The following KCNAB1 variants were observed in gnomAD, a reference collection of about 807,000 sequenced individuals.
KCNAB1 encodes the protein voltage-gated potassium channel subunit beta-1.
A neutral mutation model predicts 64.6 loss-of-function variants in KCNAB1; 35 were observed. The ratio of observed to expected loss-of-function variants is 0.54; its 90% CI spans 0.41 to 0.72. KCNAB1 has a LOEUF of 0.72. KCNAB1 is among the 30% of genes least tolerant of loss of function. The pLI, the probability that KCNAB1 is intolerant of heterozygous loss-of-function variation, is 0.00. For missense variants in KCNAB1, 401 were observed against 512.9 expected (o/e 0.78, Z 2.11); for synonymous variants, 177 against 183.8 (o/e 0.96, Z 0.30).
intron 1 of KCNAB1, among the ~76,000 whole-genome samples, chr3:156,325,454 A>C (rs1431315895): frequency 1.3e-5 from 2 of 152,166 alleles, no homozygotes; most frequent in African/African-American, 4.8e-5. Context: ...TAGGAAGAGG[A>C]AGTGGATACT....
rs1719214995 is a variant in KCNAB1, at chr3:156,538,418, C to A, written c.*1671C>A. On this transcript the variant is annotated 3_prime_UTR_variant, in exon 14 of 14. Coordinates refer to ENST00000490337, the MANE Select transcript of KCNAB1 (RefSeq NM_172160.3). Reference sequence around the variant, plus strand: ...TTGATTACTAGTACCTGTATTCTAACAGAGAGTTTGAATTTTTTGCCCGTG... The same window carrying A: ...TTGATTACTAGTACCTGTATTCTAAAAGAGAGTTTGAATTTTTTGCCCGTG... The A allele has an allele frequency of 6.6e-6, 1 of 152,114 alleles. No individual in the cohort carries two copies. The highest frequency in any genetic ancestry group is 1.5e-5 in the Non-Finnish European group (1 of 68,022). 9.4% of individuals were successfully genotyped at this position (152,114 alleles called of 1,614,324 possible). A position where few individuals can be genotyped will look rare whatever the true frequency, so the allele number is the denominator to read the frequency against.
chr3:156,432,058 A>C (rs1358383951), intron 2 of KCNAB1, among the ~76,000 whole-genome samples: 1 of 152,208 alleles, frequency 6.6e-6, no homozygotes, highest in East Asian at 1.9e-4. Flanking sequence ...AAAATTAAAG[A>C]ACTCTTAGCT....
At chr3:156,345,117 G>A (rs1485613545) in intron 1 of KCNAB1, among the ~76,000 whole-genome samples, 3 of 152,178 alleles carry the variant, frequency 2.0e-5, no homozygotes, top group Non-Finnish European at 4.4e-5. Context: ...AAGAGGCTTC[G>A]TAATTTCCCT....
intron 8 of KCNAB1, among the ~76,000 whole-genome samples, chr3:156,481,044 T>A (rs1243705316): frequency 6.6e-6 from 1 of 152,142 alleles, no homozygotes; most frequent in Non-Finnish European, 1.5e-5. Flanking sequence ...GTTCAACATA[T>A]TTCAAGGAGA....
rs77341673 is a variant in KCNAB1 at position 156,409,835 on chromosome 3, C to T, written c.276-11781C>T. ...TAATAAAAAGATCAAAGTAGAGGTT[C>T]GAGAATAAAGATAAACTAAAACCAG... On this transcript the variant is annotated intron_variant, in intron 1 of 13. Coordinates refer to ENST00000490337, the MANE Select transcript of KCNAB1 (RefSeq NM_172160.3). Among the ~76,000 whole-genome samples the T allele has an allele frequency of 3.9e-5, 6 of 152,072 alleles. No homozygotes were observed. In the East Asian group the frequency reaches 1.2e-3, roughly 29 times the overall value.
intron 1 of KCNAB1, among the ~76,000 whole-genome samples, chr3:156,300,820 T>C (rs923530593): frequency 6.6e-6 from 1 of 152,162 alleles, no homozygotes; most frequent in East Asian, 1.9e-4. Flanking sequence ...AAGGCCAAAT[T>C]TGATGTATAG....
chr3:156,354,061 G>C (rs1725043576), intron 1 of KCNAB1, among the ~76,000 whole-genome samples: 1 of 147,756 alleles, frequency 6.8e-6, no homozygotes, highest in Non-Finnish European at 1.5e-5. Context: ...GTGTGTGTGT[G>C]TGTGTGTGTG....
At chr3:156,284,942 G>A (rs960113642) in intron 1 of KCNAB1, among the ~76,000 whole-genome samples, 1 of 152,184 alleles carries the variant, frequency 6.6e-6, no homozygotes, top group Non-Finnish European at 1.5e-5. Flanking sequence ...CTCTTGCTGG[G>A]AGCTGTAGAC....
intron 1 of KCNAB1, among the ~76,000 whole-genome samples, chr3:156,381,557 C>G (rs566838628): frequency 5.9e-5 from 9 of 152,334 alleles, no homozygotes; most frequent in African/African-American, 2.2e-4. Context: ...AGCCTTATCA[C>G]AAGTTTCTTT....
intron 1 of KCNAB1, among the ~76,000 whole-genome samples, chr3:156,132,324 A>C (rs1714042241): frequency 6.6e-6 from 1 of 152,140 alleles, no homozygotes; most frequent in South Asian, 2.1e-4. Context: ...CACTTCAGAG[A>C]CCTGTAGATG....
intron 1 of KCNAB1, among the ~76,000 whole-genome samples, chr3:156,298,996 A>G (rs1720976382): frequency 6.6e-6 from 1 of 152,236 alleles, no homozygotes; most frequent in Admixed American, 6.5e-5. Flanking sequence ...AGAGTTAGCA[A>G]TGGTTGTTGG....
At chr3:156,261,903 G>A (rs528244270) in intron 1 of KCNAB1, among the ~76,000 whole-genome samples, 14 of 152,026 alleles carry the variant, frequency 9.2e-5, no homozygotes, top group African/African-American at 1.4e-4. Flanking sequence ...GCTCAGTAAC[G>A]TTTTGTAGTA....
chr3:156,293,478 A>G (rs1720587055), intron 1 of KCNAB1, among the ~76,000 whole-genome samples: 1 of 152,262 alleles, frequency 6.6e-6, no homozygotes, highest in Non-Finnish European at 1.5e-5. Context: ...TTTTTATAAA[A>G]GTTGCCCTTG....
chr3:156,178,000 C>T (rs1005078013), intron 1 of KCNAB1, among the ~76,000 whole-genome samples: 10 of 151,822 alleles, frequency 6.6e-5, no homozygotes, highest in East Asian at 2.0e-4. Context: ...CCTCCCAAAG[C>T]GCTGGGATTA....
intron 1 of KCNAB1, among the ~76,000 whole-genome samples, chr3:156,240,186 G>C (rs1717081301): frequency 6.6e-6 from 1 of 152,178 alleles, no homozygotes; most frequent in African/African-American, 2.4e-5. Flanking sequence ...TTACAGTCCA[G>C]CTGAGGAAAG....
At chr3:156,133,659 G>A (rs1259929998) in intron 1 of KCNAB1, among the ~76,000 whole-genome samples, 1 of 152,144 alleles carries the variant, frequency 6.6e-6, no homozygotes, top group African/African-American at 2.4e-5. Context: ...AAGTTTTTTT[G>A]GTGTGATATT....
intron 1 of KCNAB1, among the ~76,000 whole-genome samples, chr3:156,339,568 C>A (rs988338134): frequency 2.0e-5 from 3 of 152,208 alleles, no homozygotes; most frequent in Admixed American, 6.5e-5. Context: ...ATTATGGCCT[C>A]TGCTCACAAC....
At chr3:156,457,222 T>C in intron 3 of KCNAB1, 1 of 1,331,476 alleles carries the variant, frequency 7.5e-7, no homozygotes, top group Non-Finnish European at 9.6e-7. Context: ...TTGGGCAGGC[T>C]AAATCCCAGC....
At position 156,135,319 on chromosome 3, in the gene KCNAB1, A is replaced by AT. The variant is rs774620532; in HGVS notation, c.275+14441dup. 3.3e-5 allele frequency among the ~76,000 whole-genome samples: 5 copies of AT among 151,056 alleles called. No individual in the cohort carries two copies. In the East Asian group the frequency reaches 5.8e-4, roughly 18 times the overall value. On this transcript the variant is annotated intron_variant, in intron 1 of 13. Coordinates refer to ENST00000490337, the MANE Select transcript of KCNAB1 (RefSeq NM_172160.3). ...GCCTGGTTTAGCTTTTTTTTCCCCC[A>AT]TTTTTTTTCCCCAGAGGAAAAGCTA... is the stretch of plus-strand genomic sequence containing the variant.
Sources: gnomAD v4.1 joint callset for allele counts (sites outside exome capture counted in the v4.1 genomes callset) on GRCh38, gnomAD v4.1.1 for gene constraint, MANE v1.5 for transcripts, NCBI Gene and HGNC (gene_info 2026-07-23, HGNC 2026-07-21) for gene names.